The following FAM83B variants were observed in gnomAD, a reference collection of about 807,000 sequenced individuals.
The protein encoded by FAM83B is scaffolding CK1 anchoring protein B, also known as protein FAM83B.
FAM83B carries 26 observed loss-of-function variants against 38.8 expected under a neutral mutation model. The ratio of observed to expected loss-of-function variants is 0.67; its 90% confidence interval spans 0.49 to 0.93. FAM83B has a LOEUF of 0.93. Ranked by LOEUF, FAM83B falls within the 40% of genes least tolerant of loss-of-function variation. The probability of loss-of-function intolerance (pLI) is 0.00; values close to 1 mark genes in which losing one functional copy is unlikely to be tolerated. For synonymous variants in FAM83B, 419 were observed against 423.1 expected (o/e 0.99, Z 0.12); for missense variants, 1,237 against 1,197.3 (o/e 1.03, Z -0.49).
Position 54,873,249 on chromosome 6 carries a change from T to C in FAM83B, c.444+2559T>C, listed in dbSNP as rs74600536. Among the ~76,000 whole-genome samples, 516 of 151,980 alleles carry C rather than the reference T, an allele frequency of 3.4e-3. 8 individuals carry two copies. Among genetic ancestry groups the C allele is most frequent in the East Asian group, 0.033 (172 of 5,182 alleles). On this transcript the variant is annotated intron_variant, in intron 2 of 4. Transcript: ENST00000306858. ...TCAAATTGGTTATCTTTGCATGGAA[T>C]ATGTATTTCTCAATTATTTTGGAAG...
chr6:54,913,386 T>C (rs527798803), intron 2 of FAM83B, among the ~76,000 whole-genome samples: 1 of 152,232 alleles, frequency 6.6e-6, no homozygotes, highest in South Asian at 2.1e-4. Context: ...AACTTGGTAT[T>C]CATAATCTCA....
chr6:54,907,236 T>C (rs764946368), intron 2 of FAM83B, among the ~76,000 whole-genome samples: 1 of 152,214 alleles, frequency 6.6e-6, no homozygotes, highest in Non-Finnish European at 1.5e-5. Flanking sequence ...TATTATGTTT[T>C]TAATTAAAGA....
At chr6:54,897,165 G>A (rs928453010) in intron 2 of FAM83B, among the ~76,000 whole-genome samples, 14 of 151,530 alleles carry the variant, frequency 9.2e-5, no homozygotes, top group African/African-American at 3.4e-4. Context: ...AACAAACCTG[G>A]GGACAGCTTT....
chr6:54,863,993 T>G (rs1249259789), intron 1 of FAM83B, among the ~76,000 whole-genome samples: 1 of 152,202 alleles, frequency 6.6e-6, no homozygotes, highest in Admixed American at 6.5e-5. Context: ...TTTATTTGCA[T>G]TTTTAAGCCA....
rs768130514 is a variant in FAM83B, at chr6:54,927,600, T to C, written c.702T>C (p.Val234=). Residue 234 remains valine (V), a synonymous_variant, in exon 4 of 5, where the codon GTT becomes GTC. Transcript: ENST00000306858. ...HGKMEQKFLL[V]DCQKVMYGSY... The stretch of plus-strand genomic sequence containing the variant: ...AAATGGAACAGAAATTTTTGTTAGT[T>C]GACTGCCAGAAAGTGATGTACGGTT... 1.5e-5 allele frequency: 24 copies of C among 1,608,004 alleles called. No homozygotes were observed. The highest frequency in any genetic ancestry group is 2.0e-5 in the Non-Finnish European group (23 of 1,176,330).
At chr6:54,881,984 A>T (rs1029590596) in intron 2 of FAM83B, among the ~76,000 whole-genome samples, 28 of 152,206 alleles carry the variant, frequency 1.8e-4, no homozygotes, top group African/African-American at 6.7e-4. Context: ...TCATTGTTCA[A>T]TTCCCACCTA....
Position 54,870,388 on chromosome 6 carries a change from G to T in FAM83B, c.142G>T (p.Val48Phe). The T allele has an allele frequency of 1.2e-6, 2 of 1,614,036 alleles. No homozygotes were observed. The highest frequency in any genetic ancestry group is 1.7e-6 in the Non-Finnish European group (2 of 1,179,952). Residue 48 changes from valine to phenylalanine, a missense_variant, in exon 2 of 5, where the codon GTC (valine) becomes TTC (phenylalanine). By Grantham distance (50) the Val-to-Phe change is conservative. Transcript: ENST00000306858. Reference protein sequence around the residue: ...HGLEAYQEFLVQERVSDFLAE... With the variant: ...HGLEAYQEFLFQERVSDFLAE... Reference sequence around the variant, plus strand: ...GTTAGAAGCATACCAAGAATTTCTTGTCCAGGAACGAGTTTCAGACTTTCT... The same window carrying T: ...GTTAGAAGCATACCAAGAATTTCTTTTCCAGGAACGAGTTTCAGACTTTCT...
intron 4 of FAM83B, among the ~76,000 whole-genome samples, chr6:54,932,008 T>TG (rs1491187181): frequency 5.1e-5 from 1 of 19,666 alleles, no homozygotes; most frequent in Non-Finnish European, 7.7e-5. Context: ...TACATAAAAC[T>TG]TTTTTTTTTT....
chr6:54,916,365 A>G (rs1304244871), intron 2 of FAM83B, among the ~76,000 whole-genome samples: 2 of 152,044 alleles, frequency 1.3e-5, no homozygotes, highest in African/African-American at 4.8e-5. Context: ...ACCTACCAAG[A>G]GGTCTCAGGG....
At chr6:54,925,892 C>G (rs1773277121) in intron 2 of FAM83B, among the ~76,000 whole-genome samples, 1 of 152,148 alleles carries the variant, frequency 6.6e-6, no homozygotes. Flanking sequence ...TATACTCTTT[C>G]TCCATCTTTC....
intron 4 of FAM83B, among the ~76,000 whole-genome samples, chr6:54,928,983 A>G (rs1191020646): frequency 2.6e-5 from 4 of 152,160 alleles, no homozygotes; most frequent in African/African-American, 9.7e-5. Context: ...TCTATATCAG[A>G]AGCCAGAGGC....
Position 54,870,446 on chromosome 6 carries a change from A to T in FAM83B, c.200A>T (p.Asn67Ile). 1 of 1,614,080 alleles carries T rather than the reference A, an allele frequency of 6.2e-7. No individual in the cohort carries two copies. The highest frequency in any genetic ancestry group is 2.2e-5 in the East Asian group (1 of 44,874). ...GAAGAAATTAATTATATTTTGAAAA[A>T]TGTCCAGAAAGTTGCACAAAGCACA... Reference protein sequence around the residue: ...AEEEINYILKNVQKVAQSTAH... With the variant: ...AEEEINYILKIVQKVAQSTAH... Residue 67 changes from asparagine (N) to isoleucine (I), a missense_variant, in exon 2 of 5, where the codon AAT (asparagine) becomes ATT (isoleucine). Transcript: ENST00000306858.
chr6:54,854,722 G>A (rs1771401664), intron 1 of FAM83B, among the ~76,000 whole-genome samples: 1 of 152,052 alleles, frequency 6.6e-6, no homozygotes, highest in Non-Finnish European at 1.5e-5. Context: ...ACTTTATTGT[G>A]GTGTCTGGAA....
chr6:54,854,173 A>T (rs1018296869), intron 1 of FAM83B, among the ~76,000 whole-genome samples: 2 of 152,204 alleles, frequency 1.3e-5, no homozygotes, highest in Non-Finnish European at 2.9e-5. Flanking sequence ...AAGAAAGTGG[A>T]TTCTTGAGAT....
At chr6:54,918,536 CTAG>C (rs1442155292) in intron 2 of FAM83B, among the ~76,000 whole-genome samples, 1 of 152,090 alleles carries the variant, frequency 6.6e-6, no homozygotes, top group Non-Finnish European at 1.5e-5. Flanking sequence ...ATGGCAGCAA[CTAG>C]GAGAAGTGTA....
chr6:54,925,293 A>G (rs553096759), intron 2 of FAM83B, among the ~76,000 whole-genome samples: 2 of 152,234 alleles, frequency 1.3e-5, no homozygotes, highest in African/African-American at 4.8e-5. Context: ...AGCTTGTTAT[A>G]TAATTGACTT....
chr6:54,893,885 T>C (rs1365484128), intron 2 of FAM83B, among the ~76,000 whole-genome samples: 1 of 152,162 alleles, frequency 6.6e-6, no homozygotes, highest in African/African-American at 2.4e-5. Flanking sequence ...GTCTCAATAT[T>C]TATTACTGTA....
intron 2 of FAM83B, among the ~76,000 whole-genome samples, chr6:54,891,996 T>C (rs1397453094): frequency 6.6e-6 from 1 of 152,066 alleles, no homozygotes; most frequent in Non-Finnish European, 1.5e-5. Context: ...TCTACCTCCT[T>C]CTAATGCTCT....
chr6:54,847,688 T>C (rs1276641037), intron 1 of FAM83B, among the ~76,000 whole-genome samples: 3 of 151,754 alleles, frequency 2.0e-5, no homozygotes, highest in Non-Finnish European at 4.4e-5. Context: ...ATTGCAGGAG[T>C]CATAGGTATG....
Sources: gnomAD v4.1 joint callset for allele counts (sites outside exome capture counted in the v4.1 genomes callset) on GRCh38, gnomAD v4.1.1 for gene constraint, MANE v1.5 for transcripts, NCBI Gene and HGNC (gene_info 2026-07-23, HGNC 2026-07-21) for gene names.